BTBD9: variants seen among roughly 807,000 people sequenced by gnomAD.
BTBD9 encodes BTB domain containing 9.
BTBD9 carries 49 observed loss-of-function variants against 64.3 expected under a neutral mutation model. The observed-to-expected ratio is 0.76, with a 90% CI of 0.61 to 0.97. The LOEUF (loss-of-function observed/expected upper bound fraction) is 0.97, where lower values mean the gene tolerates loss of function less well. BTBD9 is among the 50% of genes least tolerant of loss of function. The probability of loss-of-function intolerance (pLI) is 0.00; values close to 1 mark genes in which losing one functional copy is unlikely to be tolerated. For missense variants in BTBD9, 598 were observed against 762.1 expected (o/e 0.78, Z 2.53); for synonymous variants, 260 against 274.7 (o/e 0.95, Z 0.53).
At chr6:38,350,405 C>T (rs1189911274) in intron 6 of BTBD9, among the ~76,000 whole-genome samples, 1 of 152,180 alleles carries the variant, frequency 6.6e-6, no homozygotes. Context: ...CCGTGGTATT[C>T]CGCAGTCTTC....
chr6:38,464,482 A>G (rs1336944315), intron 6 of BTBD9, among the ~76,000 whole-genome samples: 1 of 128,094 alleles, frequency 7.8e-6, no homozygotes, highest in African/African-American at 2.9e-5. Flanking sequence ...AATATTGTCT[A>G]TAATTTTCTT....
chr6:38,579,703 G>GTAAA (rs1302781922), intron 5 of BTBD9, among the ~76,000 whole-genome samples: 1 of 152,166 alleles, frequency 6.6e-6, no homozygotes, highest in East Asian at 1.9e-4. Flanking sequence ...AATGAATCAA[G>GTAAA]TAAATAATGT....
chr6:38,362,259 A>G (rs995819733), intron 6 of BTBD9, among the ~76,000 whole-genome samples: 7 of 152,204 alleles, frequency 4.6e-5, no homozygotes, highest in African/African-American at 1.4e-4. Flanking sequence ...TATAACTTCT[A>G]TTATGGTGTG....
chr6:38,544,253 C>T (rs1043901859), intron 6 of BTBD9, among the ~76,000 whole-genome samples: 12 of 152,012 alleles, frequency 7.9e-5, no homozygotes, highest in Non-Finnish European at 1.5e-4. Flanking sequence ...AGGTTATGTG[C>T]AATTACTATA....
chr6:38,540,315 A>C (rs1381461968), intron 6 of BTBD9, among the ~76,000 whole-genome samples: 1 of 149,726 alleles, frequency 6.7e-6, no homozygotes, highest in Non-Finnish European at 1.5e-5. Context: ...CACACGGTGG[A>C]GGTATAATAA....
chr6:38,454,019 C>G (rs1769677817), intron 6 of BTBD9, among the ~76,000 whole-genome samples: 1 of 152,020 alleles, frequency 6.6e-6, no homozygotes, highest in South Asian at 2.1e-4. Flanking sequence ...AAAATAAATG[C>G]TAGGAAGTGT....
intron 6 of BTBD9, among the ~76,000 whole-genome samples, chr6:38,537,129 A>T (rs982269437): frequency 2.6e-5 from 4 of 152,284 alleles, no homozygotes; most frequent in Non-Finnish European, 4.4e-5. Flanking sequence ...ATTAAAAATA[A>T]TTTTTTTAAA....
At chr6:38,194,011 T>A in intron 9 of BTBD9, 3 of 617,138 alleles carry the variant, frequency 4.9e-6, no homozygotes, top group Non-Finnish European at 6.1e-6. Flanking sequence ...AAAATGCTCT[T>A]ATTCACACAT....
chr6:38,243,608 CT>C (rs1764083237), intron 9 of BTBD9, among the ~76,000 whole-genome samples: 1 of 152,072 alleles, frequency 6.6e-6, no homozygotes, highest in Non-Finnish European at 1.5e-5. Context: ...ACCTGAATGA[CT>C]GTGGAGGGCA....
chr6:38,326,786 G>C (rs984266941), intron 7 of BTBD9, among the ~76,000 whole-genome samples: 1 of 150,372 alleles, frequency 6.7e-6, no homozygotes, highest in African/African-American at 2.4e-5. Context: ...CTGGTGTTGC[G>C]GGTAGGGGTA....
chr6:38,629,829 GAAAT>G (rs1411402436), intron 1 of BTBD9, among the ~76,000 whole-genome samples: 4 of 151,624 alleles, frequency 2.6e-5, no homozygotes, highest in African/African-American at 7.3e-5. Flanking sequence ...TCTCAAAAAA[GAAAT>G]AAATAAATAA....
intron 8 of BTBD9, among the ~76,000 whole-genome samples, chr6:38,258,481 G>A (rs193102227): frequency 6.6e-6 from 1 of 152,302 alleles, no homozygotes; most frequent in Admixed American, 6.5e-5. Context: ...CATAGATAGT[G>A]AGCTCCTTGA....
chr6:38,237,236 C>T (rs1763808467), intron 9 of BTBD9, among the ~76,000 whole-genome samples: 3 of 152,186 alleles, frequency 2.0e-5, no homozygotes, highest in Admixed American at 2.0e-4. Context: ...ATGTTGTTTT[C>T]AAATCAGACT....
chr6:38,200,747 A>C (rs2127492126), intron 9 of BTBD9, among the ~76,000 whole-genome samples: 1 of 152,348 alleles, frequency 6.6e-6, no homozygotes, highest in South Asian at 2.1e-4. Flanking sequence ...ATCAATAATG[A>C]GTAGTGAAAT....
rs1418151490 is a variant in BTBD9 at position 38,374,316 on chromosome 6, T to C, written c.1155-29223A>G. ...ATATATGTATATATATGTATATATA[T>C]ATATATATATGTATATAAAATCTGT... On this transcript the variant is annotated intron_variant, in intron 6 of 10. Coordinates refer to ENST00000481247, the MANE Select transcript of BTBD9 (RefSeq NM_001099272.2). Among the ~76,000 whole-genome samples, 63 of 116,324 alleles carry C rather than the reference T, an allele frequency of 5.4e-4. 9 individuals are homozygous for C. Among genetic ancestry groups the C allele is most frequent in the African/African-American group, 1.6e-3 (46 of 28,152 alleles). The allele number at this position is 116,324 out of a possible 152,430, so 76.3% of individuals were successfully genotyped here.
At chr6:38,464,191 G>A (rs1562222004) in intron 6 of BTBD9, among the ~76,000 whole-genome samples, 1 of 152,178 alleles carries the variant, frequency 6.6e-6, no homozygotes, top group African/African-American at 2.4e-5. Context: ...AGAGAACACA[G>A]AAGAGATCAA....
chr6:38,592,493 G>A, intron 4 of BTBD9, 83 bp downstream of exon 4: 2 of 1,430,186 alleles, frequency 1.4e-6, no homozygotes, highest in Non-Finnish European at 9.7e-7. Flanking sequence ...TGCACTACAC[G>A]GTTCTGTAGT....
chr6:38,546,724 A>G (rs1481865878), intron 6 of BTBD9, among the ~76,000 whole-genome samples: 2 of 152,216 alleles, frequency 1.3e-5, no homozygotes, highest in African/African-American at 4.8e-5. Context: ...GCTGGAGTGC[A>G]GTGACATGAT....
At chr6:38,298,818 G>C (rs1203198825) in intron 7 of BTBD9, among the ~76,000 whole-genome samples, 1 of 150,660 alleles carries the variant, frequency 6.6e-6, no homozygotes, top group Non-Finnish European at 1.5e-5. Flanking sequence ...ATGACCTCCA[G>C]TTCCATCCAT....
Sources: allele counts gnomAD v4.1 joint callset (sites outside exome capture counted in the v4.1 genomes callset), GRCh38; gene constraint gnomAD v4.1.1; transcripts MANE v1.5; gene names NCBI Gene and HGNC (gene_info 2026-07-23, HGNC 2026-07-21).